RAD51B: variants seen among roughly 807,000 people sequenced by gnomAD.
The protein encoded by RAD51B is DNA repair protein RAD51 homolog 2.
RAD51B carries 38 observed loss-of-function variants against 42.2 expected under a neutral mutation model. That is an observed-to-expected ratio of 0.90 (90% CI 0.70 to 1.18). The LOEUF (loss-of-function observed/expected upper bound fraction) is 1.18. RAD51B is among the 50% of genes most tolerant of loss of function. RAD51B has a pLI of 0.00. For synonymous variants in RAD51B, 154 were observed against 145.2 expected, an observed-to-expected ratio of 1.06 and a Z score of -0.43; for missense variants, 373 against 400.7, an observed-to-expected ratio of 0.93 and a Z score of 0.59.
At chr14:68,504,010 G>A (rs1328646872) in intron 10 of RAD51B, among the ~76,000 whole-genome samples, 1 of 152,220 alleles carries the variant, frequency 6.6e-6, no homozygotes, top group African/African-American at 2.4e-5. Flanking sequence ...TCATCAAGAA[G>A]CACGAAGTGC....
intron 7 of RAD51B, among the ~76,000 whole-genome samples, chr14:68,219,783 A>G (rs769257047): frequency 1.3e-5 from 2 of 152,174 alleles, no homozygotes; most frequent in Non-Finnish European, 2.9e-5. Context: ...AGGTTCTTTA[A>G]CACCCCCAAA....
At chr14:67,890,019 A>T (rs2043171446) in intron 7 of RAD51B, among the ~76,000 whole-genome samples, 1 of 152,192 alleles carries the variant, frequency 6.6e-6, no homozygotes, top group Non-Finnish European at 1.5e-5. Flanking sequence ...TAAAGTGTTC[A>T]CACTAGTATT....
At chr14:68,082,724 G>T (rs1180548466) in intron 7 of RAD51B, among the ~76,000 whole-genome samples, 1 of 151,624 alleles carries the variant, frequency 6.6e-6, no homozygotes, top group Non-Finnish European at 1.5e-5. Flanking sequence ...TTTTAACTAG[G>T]TCCTTACTGA....
intron 10 of RAD51B, among the ~76,000 whole-genome samples, chr14:68,606,501 C>A (rs1478837068): frequency 6.6e-6 from 1 of 152,166 alleles, no homozygotes; most frequent in Non-Finnish European, 1.5e-5. Flanking sequence ...AAAAAGATTT[C>A]ATTATGTTGA....
intron 9 of RAD51B, among the ~76,000 whole-genome samples, chr14:68,415,814 A>G (rs1339051612): frequency 6.6e-6 from 1 of 152,234 alleles, no homozygotes; most frequent in African/African-American, 2.4e-5. Context: ...TCAAATCCTC[A>G]TGAAGTCTGG....
chr14:68,185,640 GT>G (rs2079142910), intron 7 of RAD51B, among the ~76,000 whole-genome samples: 1 of 151,348 alleles, frequency 6.6e-6, no homozygotes, highest in African/African-American at 2.4e-5. Flanking sequence ...CCAGGGACCA[GT>G]TTTGTGGAAG....
At position 68,410,249 on chromosome 14, in the gene RAD51B, C is replaced by T. The variant is rs530022919; in HGVS notation, c.854-1175C>T. Among the ~76,000 whole-genome samples, 9 of 152,214 alleles carry T rather than the reference C, an allele frequency of 5.9e-5. No individual in the cohort carries two copies. The East Asian group carries it at 9.7e-4, about 16-fold the overall frequency. The stretch of plus-strand genomic sequence containing the variant: ...ACATTTGTCTGTTGCAGCATTTGGG[C>T]CCAGGTGCTTAAGGCCATGTGCAGT... On this transcript the variant is annotated intron_variant, in intron 8 of 10. Transcript: ENST00000471583.
intron 10 of RAD51B, among the ~76,000 whole-genome samples, chr14:68,568,934 C>A (rs1222404625): frequency 2.0e-5 from 3 of 152,172 alleles, no homozygotes; most frequent in Middle Eastern, 3.2e-3. Context: ...CTCTCCCCAA[C>A]CCAGTTGCTA....
chr14:68,139,742 G>A (rs528282948), intron 7 of RAD51B, among the ~76,000 whole-genome samples: 2 of 152,308 alleles, frequency 1.3e-5, no homozygotes, highest in South Asian at 4.1e-4. Context: ...AACACTTTAA[G>A]CCTTTGGAAA....
intron 10 of RAD51B, among the ~76,000 whole-genome samples, chr14:68,623,705 G>C (rs764956825): frequency 4.6e-5 from 7 of 152,212 alleles, no homozygotes; most frequent in African/African-American, 7.2e-5. Flanking sequence ...AAACATTCTA[G>C]CCAGGTGTTC....
chr14:68,098,987 A>G (rs553912831), intron 7 of RAD51B, among the ~76,000 whole-genome samples: 4 of 152,210 alleles, frequency 2.6e-5, no homozygotes, highest in Non-Finnish European at 4.4e-5. Flanking sequence ...GGAGACAGCA[A>G]TGGAGAAGGT....
intron 8 of RAD51B, among the ~76,000 whole-genome samples, chr14:68,338,213 A>G (rs1418599661): frequency 6.6e-6 from 1 of 152,206 alleles, no homozygotes; most frequent in Non-Finnish European, 1.5e-5. Flanking sequence ...ACTGGACTTC[A>G]TAAGAGACCA....
intron 7 of RAD51B, among the ~76,000 whole-genome samples, chr14:67,970,105 TTTTCCCATCTTTAGCA>T (rs1162477885): frequency 2.0e-5 from 3 of 152,180 alleles, no homozygotes; most frequent in Non-Finnish European, 4.4e-5. Context: ...TGCTCTTAAA[TTTTCCCATCTTTAGCA>T]TGTAGTAGAT....
intron 7 of RAD51B, among the ~76,000 whole-genome samples, chr14:68,185,909 G>A (rs1458411468): frequency 6.6e-6 from 1 of 152,128 alleles, no homozygotes; most frequent in Non-Finnish European, 1.5e-5. Context: ...GGGTACCCCT[G>A]CACAAATCTA....
At chr14:67,924,636 T>C (rs1421866631) in intron 7 of RAD51B, among the ~76,000 whole-genome samples, 1 of 152,168 alleles carries the variant, frequency 6.6e-6, no homozygotes, top group East Asian at 1.9e-4. Context: ...GTGAGACTCA[T>C]TCACTATCAT....
intron 7 of RAD51B, among the ~76,000 whole-genome samples, chr14:68,123,522 T>C (rs533010565): frequency 6.6e-6 from 1 of 152,134 alleles, no homozygotes; most frequent in East Asian, 1.9e-4. Context: ...AGTTAGATGA[T>C]ATCAGCTGGG....
chr14:68,622,747 G>A (rs1891980721), intron 10 of RAD51B, among the ~76,000 whole-genome samples: 1 of 144,076 alleles, frequency 6.9e-6, no homozygotes, highest in South Asian at 2.1e-4. Context: ...AAAAAAACTG[G>A]ATGTCACGAT....
rs148867721 is a variant in RAD51B at position 68,616,707 on chromosome 14, A to G, written c.1037-34074A>G. ...TCCCTCTTTTTTCTTTTTCAATTATACATATGTTAGACCACTTGATATTGC... is the reference window on the plus strand; with the variant it reads ...TCCCTCTTTTTTCTTTTTCAATTATGCATATGTTAGACCACTTGATATTGC... On this transcript the variant is annotated intron_variant, in intron 10 of 11. Coordinates refer to the RAD51B transcript ENST00000488612. 5.9e-4 allele frequency among the ~76,000 whole-genome samples: 90 copies of G among 152,110 alleles called. 1 individual carries two copies. Among genetic ancestry groups the G allele is most frequent in the African/African-American group, 2.0e-3 (83 of 41,506 alleles).
intron 7 of RAD51B, among the ~76,000 whole-genome samples, chr14:68,166,470 T>C (rs578049924): frequency 6.6e-6 from 1 of 152,278 alleles, no homozygotes; most frequent in Non-Finnish European, 1.5e-5. Context: ...AAAAAATTGA[T>C]GGTTTGGCTT....
Sources: allele counts gnomAD v4.1 joint callset (sites outside exome capture counted in the v4.1 genomes callset), GRCh38; gene constraint gnomAD v4.1.1; transcripts MANE v1.5; gene names NCBI Gene and HGNC (gene_info 2026-07-23, HGNC 2026-07-21).